The following SLC9A3 variants were observed in gnomAD, a reference collection of about 807,000 sequenced individuals.
SLC9A3 encodes solute carrier family 9 member A3, also known as sodium/hydrogen exchanger 3.
SLC9A3 carries 37 observed loss-of-function variants against 86.8 expected under a neutral mutation model. The ratio of observed to expected loss-of-function variants is 0.43; its 90% CI spans 0.33 to 0.56. The LOEUF is 0.56. Ranked by LOEUF, SLC9A3 falls within the 20% of genes least tolerant of loss-of-function variation. The pLI, the probability that SLC9A3 is intolerant of heterozygous loss-of-function variation, is 0.06. For synonymous variants in SLC9A3, 581 were observed against 528.3 expected, an observed-to-expected ratio of 1.10 and a Z score of -1.37; for missense variants, 1,011 against 1,171.9, an observed-to-expected ratio of 0.86 and a Z score of 2.00.
At chr5:501,664 G>C (rs142231305) in intron 1 of SLC9A3, among the ~76,000 whole-genome samples, 1 of 152,170 alleles carries the variant, frequency 6.6e-6, no homozygotes, top group East Asian at 1.9e-4. Context: ...TCTGCCACCC[G>C]CCCCTGCAGG....
At chr5:523,765 C>T (rs766614356) in intron 1 of SLC9A3, among the ~76,000 whole-genome samples, 6 of 152,210 alleles carry the variant, frequency 3.9e-5, no homozygotes, top group Non-Finnish European at 5.9e-5. Flanking sequence ...AGCCTGAGAA[C>T]CCCGAAGGAA....
rs182188628 is a variant in SLC9A3 at position 489,008 on chromosome 5, C to T, written c.515-532G>A. ...GTGGGTCCATGTGGTCCCTAGCTCC[C>T]GGCCGGCTTCCCTCCCCGCATCTGC... On this transcript the variant is annotated intron_variant, in intron 2 of 16. Coordinates refer to ENST00000264938, the MANE Select transcript of SLC9A3 (RefSeq NM_004174.4). 5.9e-5 allele frequency among the ~76,000 whole-genome samples: 9 copies of T among 152,306 alleles called. No individual in the cohort carries two copies. In the East Asian group the frequency reaches 1.5e-3, roughly 26 times the overall value.
chr5:516,409 G>C (rs568338575), intron 1 of SLC9A3, among the ~76,000 whole-genome samples: 1 of 152,306 alleles, frequency 6.6e-6, no homozygotes, highest in East Asian at 1.9e-4. Flanking sequence ...GACCATTCAA[G>C]CTCCTAAAAG....
intron 1 of SLC9A3, among the ~76,000 whole-genome samples, chr5:517,727 CCACCCATCCATCCATT>C (rs1460838262): frequency 6.6e-6 from 1 of 151,228 alleles, no homozygotes; most frequent in African/African-American, 2.4e-5. Flanking sequence ...ATCCAGCCAT[CCACCCATCCATCCATT>C]CACCCATCCA....
chr5:485,127 A>C (rs1739402417), intron 4 of SLC9A3, 26 bp downstream of exon 4: 2 of 1,576,654 alleles, frequency 1.3e-6, no homozygotes, highest in African/African-American at 2.7e-5. Context: ...ACGGCCGCCC[A>C]CTCCCCCTGA....
At chr5:501,545 C>T (rs951642716) in intron 1 of SLC9A3, among the ~76,000 whole-genome samples, 24 of 152,094 alleles carry the variant, frequency 1.6e-4, no homozygotes, top group Admixed American at 1.1e-3. Context: ...TGCAGGAACA[C>T]GTGCACGCAC....
chr5:475,443 A>T (rs1560948026), intron 15 of SLC9A3, 118 bp downstream of exon 15: 4 of 673,616 alleles, frequency 5.9e-6, no homozygotes, highest in African/African-American at 5.4e-5. Flanking sequence ...GCCCTTGAGA[A>T]CCCACAGGAG....
At position 475,118 on chromosome 5, in the gene SLC9A3, C is replaced by A; in HGVS notation, c.2266G>T (p.Val756Leu). The A allele has an allele frequency of 6.3e-7, 1 of 1,597,218 alleles. No homozygotes were observed. The highest frequency in any genetic ancestry group is 8.5e-7 in the Non-Finnish European group (1 of 1,170,744). ...SDSPAGIDNP[V>L]FSPDEALDRS... ...TCCAGGGCCTCGTCCGGAGAAAACA[C>A]AGGGTTGTCAATTCCTAGGAGAGAG... is the stretch of plus-strand genomic sequence containing the variant. The change falls in exon 16 of 17, where the codon GTG becomes TTG. Residue 756 changes from valine (V) to leucine (L), a missense_variant. Around this residue, in one of 3 missense-constraint regions of SLC9A3, gnomAD observed 397 missense variants for 346.3 expected, o/e 1.15. Coordinates refer to ENST00000264938, the MANE Select transcript of SLC9A3 (RefSeq NM_004174.4).
rs755730407 is a variant in SLC9A3, at chr5:524,143, G to C, written c.180C>G (p.Leu60=). ...TGGCCAAGCTGGCCACGAGGATCCA[G>C]AGCGCGATGACGTAGGGATCCTGCA... ...AHVQDPYVIA[L]WILVASLAKI... is the part of the protein sequence containing the mutation. Residue 60 remains leucine, a synonymous_variant, in exon 1 of 17, where the codon CTC becomes CTG. Transcript: ENST00000264938. The C allele has an allele frequency of 6.5e-7, 1 of 1,537,994 alleles. No individual in the cohort carries two copies.
At chr5:516,845 A>T (rs1733745109) in intron 1 of SLC9A3, among the ~76,000 whole-genome samples, 1 of 152,226 alleles carries the variant, frequency 6.6e-6, no homozygotes, top group Non-Finnish European at 1.5e-5. Flanking sequence ...AGCCATTGTC[A>T]TCCAGAAGTA....
chr5:473,252 G>GA lies in SLC9A3; in HGVS notation c.*126_*127insT, dbSNP rs1738495602. 3.8e-6 allele frequency: 4 copies of GA among 1,044,262 alleles called. No homozygotes were observed. The highest frequency in any genetic ancestry group is 6.8e-5 in the East Asian group (2 of 29,572). 64.7% of individuals were successfully genotyped at this position (1,044,262 alleles called of 1,614,324 possible). On this transcript the variant is annotated 3_prime_UTR_variant, in exon 17 of 17. Transcript: ENST00000264938. ...GCGCAGGCGCTGGCGTGGGCGAGGC[G>GA]GGGCTCGGGGCTCGCGGTCGCTGTA...
chr5:486,896 C>T lies in SLC9A3; in HGVS notation c.675+1420G>A, dbSNP rs1279715490. Among the ~76,000 whole-genome samples, 108 of 122,394 alleles carry T rather than the reference C, an allele frequency of 8.8e-4. 2 individuals carry two copies. Among genetic ancestry groups the T allele is most frequent in the Middle Eastern group, 4.8e-3 (1 of 210 alleles). The allele number at this position is 122,394 out of a possible 152,430, so 80.3% of individuals were successfully genotyped here. A position where few individuals can be genotyped will look rare whatever the true frequency, so the allele number is the denominator to read the frequency against. On this transcript the variant is annotated intron_variant, in intron 3 of 16. Transcript: ENST00000264938. Reference sequence around the variant, plus strand: ...GCACTGACACCCACCGCACTGACACCGTGATCCAGACCGCACTGACACCCA... The same window carrying T: ...GCACTGACACCCACCGCACTGACACTGTGATCCAGACCGCACTGACACCCA...
rs1739162061 is a variant in SLC9A3 at position 481,497 on chromosome 5, C to T, written c.1517+68G>A. 8 of 1,349,782 alleles carry T rather than the reference C, an allele frequency of 5.9e-6. No homozygotes were observed. In the South Asian group the frequency reaches 8.2e-5, roughly 14 times the overall value. The allele number at this position is 1,349,782 out of a possible 1,614,324, so 83.6% of individuals were successfully genotyped here. A position where few individuals can be genotyped will look rare whatever the true frequency, so the allele number is the denominator to read the frequency against. On this transcript the variant is annotated intron_variant, in intron 9 of 16. Transcript: ENST00000264938. ...GTTGTTATGCATGTGGCTTCTGGTT[C>T]TTCCGAGTGGAGGATGTTTCCAGAA...
In SLC9A3 at chr5:491,839, G is replaced by C. The variant is rs370033191; in HGVS notation, c.444C>G (p.Val148=). The C allele has an allele frequency of 6.2e-7, 1 of 1,601,322 alleles. No homozygotes were observed. Among genetic ancestry groups the C allele is most frequent in the South Asian group, 1.1e-5 (1 of 89,194 alleles). Reference sequence around the variant, plus strand: ...TGGCCGCGTTCCACACGGTACCCACGACGGCGTACAACAGGATGGTCCCCA... The same window carrying C: ...TGGCCGCGTTCCACACGGTACCCACCACGGCGTACAACAGGATGGTCCCCA... ...GNLGTILLYA[V]VGTVWNAATT... Residue 148 remains valine (V), a synonymous_variant, in exon 2 of 17, where the codon GTC becomes GTG. Coordinates refer to ENST00000264938, the MANE Select transcript of SLC9A3 (RefSeq NM_004174.4). The surrounding 1 kb of genome is among the most constrained non-coding windows in gnomAD (Gnocchi z 9.2).
chr5:475,334 C>T, intron 15 of SLC9A3: 5 of 629,820 alleles, frequency 7.9e-6, no homozygotes, highest in South Asian at 5.9e-5. Flanking sequence ...CGTCTCGCTT[C>T]CCTCAAGACA....
rs779180547 is a variant in SLC9A3 at position 479,895 on chromosome 5, G to A, written c.1588C>T (p.Arg530Trp). ...MRRSAQKSRDRILNVFHELNL... is the reference protein window; with the variant it reads ...MRRSAQKSRDWILNVFHELNL... ...AGCTCGTGGAAGACATTCAGGATCC[G>A]GTCTCGAGACTTCTGGGCCGACCGT... is the stretch of plus-strand genomic sequence containing the variant. The change falls in exon 10 of 17, where the codon CGG (arginine) becomes TGG (tryptophan). Residue 530 changes from arginine (R) to tryptophan (W), a missense_variant. By Grantham distance (101) the Arg-to-Trp change is moderately radical (BLOSUM62 -3). Transcript: ENST00000264938. 6 of 1,613,940 alleles carry A rather than the reference G, an allele frequency of 3.7e-6. No individual in the cohort carries two copies. Among genetic ancestry groups the A allele is most frequent in the East Asian group, 2.2e-5 (1 of 44,886 alleles).
chr5:484,498 C>T (rs760401180), intron 5 of SLC9A3, 22 bp downstream of exon 5: 20 of 1,610,746 alleles, frequency 1.2e-5, no homozygotes, highest in South Asian at 7.7e-5. Flanking sequence ...TGGAGAAGCT[C>T]GCGTGTGTGG....
rs1311293072 is a variant in SLC9A3 at position 470,922 on chromosome 5, G to A, written c.*2457C>T. On this transcript the variant is annotated 3_prime_UTR_variant, in exon 17 of 17. Transcript: ENST00000264938. Reference sequence around the variant, plus strand: ...TTTTCCTAAGGAAATACATTCATAAGACTGTTTACCTTCTGTTTGACAGCA... The same window carrying A: ...TTTTCCTAAGGAAATACATTCATAAAACTGTTTACCTTCTGTTTGACAGCA... 6.6e-6 allele frequency: 1 copy of A among 152,304 alleles called. No individual in the cohort carries two copies. Among genetic ancestry groups the A allele is most frequent in the Non-Finnish European group, 1.5e-5 (1 of 68,032 alleles). The allele number at this position is 152,304 out of a possible 1,614,324, so 9.4% of individuals were successfully genotyped here.
rs1427872188 is a variant in SLC9A3, at chr5:471,056, CGTGA to C, written c.*2319_*2322del. 1.3e-5 allele frequency: 2 copies of C among 152,600 alleles called. No individual in the cohort carries two copies. The highest frequency in any genetic ancestry group is 4.8e-5 in the African/African-American group (2 of 41,442). 9.5% of individuals were successfully genotyped at this position (152,600 alleles called of 1,614,324 possible). A position where few individuals can be genotyped will look rare whatever the true frequency, so the allele number is the denominator to read the frequency against. The stretch of plus-strand genomic sequence containing the variant: ...CCTGGTAGGGAGCAGCCTGGGCTGC[CGTGA>C]GTGAGGTGTTCTCACTCTGGTTCCG... On this transcript the variant is annotated 3_prime_UTR_variant, in exon 17 of 17. Transcript: ENST00000264938.
Sources: gnomAD v4.1 joint callset for allele counts (sites outside exome capture counted in the v4.1 genomes callset) on GRCh38, gnomAD v4.1.1 for gene constraint, gnomAD v4.1.1 regional missense constraint, Gnocchi (gnomAD v3.1) non-coding constraint, MANE v1.5 for transcripts, NCBI Gene and HGNC (gene_info 2026-07-23, HGNC 2026-07-21) for gene names.